PAK5: variants seen among roughly 807,000 people sequenced by gnomAD.
PAK5 encodes serine/threonine-protein kinase PAK 5.
Under a neutral mutation model 65.9 loss-of-function variants are expected in PAK5, and 16 were observed. The ratio of observed to expected loss-of-function variants is 0.24; its 90% CI spans 0.16 to 0.37. The LOEUF is 0.37. PAK5 is among the 10% of genes least tolerant of loss of function. The pLI is 1.00. For missense variants in PAK5, 785 were observed against 903.9 expected (o/e 0.87, Z 1.69); for synonymous variants, 371 against 354.9 (o/e 1.05, Z -0.51).
At chr20:9,708,782 A>G (rs958374814) in intron 2 of PAK5, among the ~76,000 whole-genome samples, 1 of 152,114 alleles carries the variant, frequency 6.6e-6, no homozygotes, top group Non-Finnish European at 1.5e-5. Flanking sequence ...GTCGAGACAT[A>G]TGGGAGAAGA....
intron 3 of PAK5, among the ~76,000 whole-genome samples, chr20:9,582,693 T>C (rs2046000390): frequency 6.6e-6 from 1 of 152,014 alleles, no homozygotes; most frequent in Non-Finnish European, 1.5e-5. Context: ...GTGTGTGTGG[T>C]GGGGGTAGGG....
chr20:9,748,785 A>C (rs1310075351), intron 1 of PAK5, among the ~76,000 whole-genome samples: 2 of 152,156 alleles, frequency 1.3e-5, no homozygotes, highest in Non-Finnish European at 2.9e-5. Flanking sequence ...TGCACTGTCT[A>C]ATTCATTAGC....
intron 2 of PAK5, among the ~76,000 whole-genome samples, chr20:9,688,228 C>T (rs2047746444): frequency 6.6e-6 from 1 of 152,030 alleles, no homozygotes; most frequent in Non-Finnish European, 1.5e-5. Flanking sequence ...CCAAGCTAGA[C>T]TTCTTCTGAG....
intron 1 of PAK5, among the ~76,000 whole-genome samples, chr20:9,772,731 T>C (rs1044614624): frequency 2.6e-5 from 4 of 152,256 alleles, no homozygotes; most frequent in Admixed American, 2.0e-4. Flanking sequence ...AAGTAGATGT[T>C]GTCAGTGCCA....
At chr20:9,543,352 G>A (rs1442777119) in intron 8 of PAK5, among the ~76,000 whole-genome samples, 2 of 151,974 alleles carry the variant, frequency 1.3e-5, no homozygotes, top group Non-Finnish European at 2.9e-5. Flanking sequence ...AGACAATGAG[G>A]AGCCATCACT....
At chr20:9,696,674 T>C (rs2047874206) in intron 2 of PAK5, among the ~76,000 whole-genome samples, 1 of 152,222 alleles carries the variant, frequency 6.6e-6, no homozygotes, top group Non-Finnish European at 1.5e-5. Flanking sequence ...CACACAGTAA[T>C]AATCAGAGTA....
At position 9,756,015 on chromosome 20, in the gene PAK5, C is replaced by T. The variant is rs866900500; in HGVS notation, c.-161-44580G>A. Among the ~76,000 whole-genome samples, 33 of 152,092 alleles carry T rather than the reference C, an allele frequency of 2.2e-4. 1 individual carries two copies. Among genetic ancestry groups the T allele is most frequent in the South Asian group, 4.1e-4 (2 of 4,826 alleles). ...CCATGAAGATAGGGTTTTGTTTCAT[C>T]ACTGAGGGGCCACAGGGCCTGTGCT... On this transcript the variant is annotated intron_variant, in intron 1 of 9. Transcript: ENST00000353224.
In PAK5 at chr20:9,580,372, T is replaced by C. The variant is rs374699242; in HGVS notation, c.763A>G (p.Ser255Gly). The change falls in exon 4 of 10, where the codon AGT (serine) becomes GGT (glycine). Residue 255 changes from serine to glycine, a missense_variant. Physicochemically the swap from Ser to Gly is moderately conservative, Grantham distance 56. This residue lies in a region of PAK5 where 422 missense variants were observed against 413.3 expected (regional missense o/e 1.02). Coordinates refer to ENST00000353224, the MANE Select transcript of PAK5 (RefSeq NM_177990.4). ...TCATCCAGGCTGGGTCCCCATTCACTTTCACTGTACGCCAGGCTCTCCTTG... is the reference window on the plus strand; with the variant it reads ...TCATCCAGGCTGGGTCCCCATTCACCTTCACTGTACGCCAGGCTCTCCTTG... ...CSKESLAYSESEWGPSLDDYD... is the reference protein window; with the variant it reads ...CSKESLAYSEGEWGPSLDDYD... 3 of 1,613,958 alleles carry C rather than the reference T, an allele frequency of 1.9e-6. No individual in the cohort carries two copies. The African/African-American group carries it at 4.0e-5, about 22-fold the overall frequency.
chr20:9,717,024 G>T (rs748744295), intron 1 of PAK5, among the ~76,000 whole-genome samples: 5 of 151,560 alleles, frequency 3.3e-5, no homozygotes, highest in African/African-American at 4.9e-5. Context: ...GGTAGAGGTT[G>T]CAGTGAGCTG....
intron 1 of PAK5, among the ~76,000 whole-genome samples, chr20:9,748,899 G>C (rs1366518320): frequency 6.6e-6 from 1 of 152,102 alleles, no homozygotes; most frequent in Non-Finnish European, 1.5e-5. Flanking sequence ...TGGCTGCCAT[G>C]TTGAACAGCA....
chr20:9,644,777 AC>A (rs1257465740), intron 2 of PAK5, among the ~76,000 whole-genome samples: 1 of 152,170 alleles, frequency 6.6e-6, no homozygotes, highest in Non-Finnish European at 1.5e-5. Flanking sequence ...CACAAGCCCA[AC>A]CTCCAGTCTG....
intron 1 of PAK5, among the ~76,000 whole-genome samples, chr20:9,831,567 G>A (rs1432355539): frequency 6.6e-6 from 1 of 152,170 alleles, no homozygotes; most frequent in African/African-American, 2.4e-5. Flanking sequence ...GAGTGCAGTG[G>A]TGCGATCTTG....
chr20:9,579,795 G>A (rs775702640), intron 4 of PAK5, among the ~76,000 whole-genome samples: 1 of 152,258 alleles, frequency 6.6e-6, no homozygotes, highest in Admixed American at 6.5e-5. Context: ...CTCTATGATT[G>A]TATATGACTG....
Position 9,685,017 on chromosome 20 carries a change from A to C in PAK5, c.-12+26269T>G, listed in dbSNP as rs369955116. The stretch of plus-strand genomic sequence containing the variant: ...GACTATAAATGCACTCTCTCCTTCC[A>C]GCCCTTCATTTAATCTCTTTCCTTC... On this transcript the variant is annotated intron_variant, in intron 2 of 9. Coordinates refer to ENST00000353224, the MANE Select transcript of PAK5 (RefSeq NM_177990.4). Among the ~76,000 whole-genome samples the C allele has an allele frequency of 4.6e-5, 7 of 152,268 alleles. No homozygotes were observed. In the East Asian group the frequency reaches 1.2e-3, roughly 25 times the overall value.
At chr20:9,644,874 C>T (rs112420860) in intron 2 of PAK5, among the ~76,000 whole-genome samples, 112 of 152,316 alleles carry the variant, frequency 7.4e-4, no homozygotes, top group African/African-American at 2.6e-3. Context: ...AATGAAGCCA[C>T]TGAGATTTTG....
chr20:9,657,366 A>C (rs534101381), intron 2 of PAK5, among the ~76,000 whole-genome samples: 6 of 152,238 alleles, frequency 3.9e-5, no homozygotes, highest in Non-Finnish European at 8.8e-5. Flanking sequence ...CATGGTATGC[A>C]TGTACCATAC....
chr20:9,576,969 A>T (rs904089264), intron 4 of PAK5, among the ~76,000 whole-genome samples: 38 of 152,254 alleles, frequency 2.5e-4, no homozygotes, highest in Non-Finnish European at 1.0e-4. Flanking sequence ...AGACACAAGT[A>T]GGTGGCTGCC....
intron 1 of PAK5, among the ~76,000 whole-genome samples, chr20:9,804,268 T>A (rs2049205090): frequency 6.6e-6 from 1 of 152,280 alleles, no homozygotes; most frequent in African/African-American, 2.4e-5. Flanking sequence ...AATACAGATT[T>A]TCAAGTGTCT....
At chr20:9,710,484 G>A (rs2123485598) in intron 2 of PAK5, among the ~76,000 whole-genome samples, 1 of 152,222 alleles carries the variant, frequency 6.6e-6, no homozygotes, top group East Asian at 1.9e-4. Context: ...ATTATATTTG[G>A]AGCTTCATAA....
Sources: allele counts gnomAD v4.1 joint callset (sites outside exome capture counted in the v4.1 genomes callset), GRCh38; gene constraint gnomAD v4.1.1; regional missense constraint gnomAD v4.1.1; transcripts MANE v1.5; gene names NCBI Gene and HGNC (gene_info 2026-07-23, HGNC 2026-07-21).